The following ANXA4 variants were observed in gnomAD, a reference collection of about 807,000 sequenced individuals.
ANXA4 encodes the protein 35-beta calcimedin.
ANXA4 carries 39 observed loss-of-function variants against 49.8 expected under a neutral mutation model. The observed-to-expected ratio is 0.78, with a 90% confidence interval of 0.61 to 1.02. The LOEUF (loss-of-function observed/expected upper bound fraction) is 1.02. ANXA4 is among the 50% of genes least tolerant of loss of function. The pLI, the probability that ANXA4 is intolerant of heterozygous loss-of-function variation, is 0.00. For synonymous variants in ANXA4, 134 were observed against 152.5 expected (o/e 0.88, Z 0.89); for missense variants, 360 against 410.1 (o/e 0.88, Z 1.05).
chr2:69,810,393 A>T, intron 6 of ANXA4: 2 of 562,362 alleles, frequency 3.6e-6, no homozygotes, highest in East Asian at 6.0e-5. Flanking sequence ...CAAAAACAGG[A>T]ATATCGTGTG....
At chr2:69,784,628 C>T (rs537737209) in intron 2 of ANXA4, among the ~76,000 whole-genome samples, 3 of 152,322 alleles carry the variant, frequency 2.0e-5, no homozygotes, top group Non-Finnish European at 4.4e-5. Context: ...AGTAATTGCA[C>T]CAACCTAATA....
chr2:69,718,687 ACATG>A (rs570367197), intron 2 of ANXA4, among the ~76,000 whole-genome samples: 4 of 152,190 alleles, frequency 2.6e-5, no homozygotes, highest in Non-Finnish European at 5.9e-5. Flanking sequence ...ACACGTATAC[ACATG>A]CATGCATGCA....
intron 8 of ANXA4, among the ~76,000 whole-genome samples, chr2:69,814,597 C>T (rs4853029): frequency 0.14 from 20,865 of 151,932 alleles, 3,789 homozygotes; most frequent in African/African-American, 0.39. Flanking sequence ...AACCTATCTG[C>T]CTTGGCCTTC....
chr2:69,707,082 A>G (rs1161442037), intron 2 of ANXA4, among the ~76,000 whole-genome samples: 2 of 152,292 alleles, frequency 1.3e-5, no homozygotes, highest in East Asian at 3.9e-4. Context: ...GTATCTTTCT[A>G]TATGTGAGCT....
At chr2:69,784,290 TA>T (rs144161823) in intron 2 of ANXA4, among the ~76,000 whole-genome samples, 5,028 of 152,348 alleles carry the variant, frequency 0.033, 120 homozygotes, top group South Asian at 0.089. Context: ...TGCTAACTGA[TA>T]AACGGAACCA....
intron 1 of ANXA4, among the ~76,000 whole-genome samples, chr2:69,760,949 C>T (rs1349990616): frequency 2.6e-5 from 4 of 151,866 alleles, no homozygotes; most frequent in Non-Finnish European, 4.4e-5. Context: ...ATAGCTTGAG[C>T]TCAGGAGTTC....
intron 2 of ANXA4, among the ~76,000 whole-genome samples, chr2:69,673,829 A>G (rs1677292812): frequency 6.6e-6 from 1 of 152,044 alleles, no homozygotes; most frequent in Non-Finnish European, 1.5e-5. Context: ...AGTGCCAAAC[A>G]GGACTGTGGG....
intron 1 of ANXA4, among the ~76,000 whole-genome samples, chr2:69,649,830 G>A (rs940195837): frequency 3.4e-5 from 5 of 148,820 alleles, no homozygotes; most frequent in African/African-American, 9.9e-5. Flanking sequence ...CCATGTTGCC[G>A]AGGCTGGTCT....
rs80249266 is a variant in ANXA4 at position 69,717,886 on chromosome 2, C to T, written n.767-2888C>T. On this transcript the variant is annotated intron_variant and non_coding_transcript_variant, in intron 2 of 3. Transcript: ENST00000418066. Reference sequence around the variant, plus strand: ...AAGAGACGTACACAACCTATGCACTCCCTTCCCTCTAGAATGTTTCAGCAG... The same window carrying T: ...AAGAGACGTACACAACCTATGCACTTCCTTCCCTCTAGAATGTTTCAGCAG... 8.5e-3 allele frequency among the ~76,000 whole-genome samples: 1,297 copies of T among 152,288 alleles called. 16 individuals carry two copies. Among genetic ancestry groups the T allele is most frequent in the Middle Eastern group, 0.051 (15 of 294 alleles).
chr2:69,818,190 T>G (rs1323937401), intron 9 of ANXA4: 1 of 153,756 alleles, frequency 6.5e-6, no homozygotes, highest in African/African-American at 2.4e-5. Flanking sequence ...GTGACTCAGT[T>G]CTGAAGCAGT....
intron 2 of ANXA4, among the ~76,000 whole-genome samples, chr2:69,665,265 TA>T (rs1459482024): frequency 6.6e-6 from 1 of 152,102 alleles, no homozygotes; most frequent in Non-Finnish European, 1.5e-5. Context: ...CAGACCACGT[TA>T]AAATAGAGTC....
At chr2:69,669,763 T>A (rs1331605578) in intron 2 of ANXA4, among the ~76,000 whole-genome samples, 3 of 152,174 alleles carry the variant, frequency 2.0e-5, no homozygotes, top group African/African-American at 7.2e-5. Flanking sequence ...GAATTTCTCA[T>A]GTTTCCCACT....
At chr2:69,751,872 AT>A (rs1409759207) in intron 1 of ANXA4, among the ~76,000 whole-genome samples, 2 of 152,212 alleles carry the variant, frequency 1.3e-5, no homozygotes, top group Non-Finnish European at 2.9e-5. Flanking sequence ...GCAAAGGTGC[AT>A]TTATTTATTA....
intron 1 of ANXA4, among the ~76,000 whole-genome samples, chr2:69,750,013 A>G (rs1207932570): frequency 6.6e-6 from 1 of 152,120 alleles, no homozygotes; most frequent in Non-Finnish European, 1.5e-5. Context: ...CAGGAAAATT[A>G]TAAGAGTGGT....
chr2:69,669,683 C>T (rs1325655008), intron 2 of ANXA4, among the ~76,000 whole-genome samples: 1 of 151,924 alleles, frequency 6.6e-6, no homozygotes, highest in Admixed American at 6.6e-5. Flanking sequence ...TGTCCATGTA[C>T]CTTCTATATT....
At chr2:69,804,069 C>A (rs1033904587) in intron 3 of ANXA4, among the ~76,000 whole-genome samples, 1 of 140,772 alleles carries the variant, frequency 7.1e-6, no homozygotes, top group Non-Finnish European at 1.5e-5. Flanking sequence ...ACCCAGGAGG[C>A]GGAGGTTGCA....
At chr2:69,757,235 G>GTTTT (rs1293588999) in intron 1 of ANXA4, among the ~76,000 whole-genome samples, 4 of 60,234 alleles carry the variant, frequency 6.6e-5, no homozygotes, top group Non-Finnish European at 1.4e-4. Context: ...AGCCATTTTT[G>GTTTT]TTTTATATAT....
chr2:69,693,029 C>T (rs1678025639), intron 2 of ANXA4, among the ~76,000 whole-genome samples: 1 of 152,134 alleles, frequency 6.6e-6, no homozygotes, highest in African/African-American at 2.4e-5. Flanking sequence ...ATATAATGCC[C>T]AATTTAGGAA....
chr2:69,726,606 A>C (rs1669969158), intron 3 of ANXA4, among the ~76,000 whole-genome samples: 1 of 152,236 alleles, frequency 6.6e-6, no homozygotes. Context: ...CCATGTAATC[A>C]GTGCTTAGAT....
Sources: allele counts gnomAD v4.1 joint callset (sites outside exome capture counted in the v4.1 genomes callset), GRCh38; gene constraint gnomAD v4.1.1; transcripts MANE v1.5; gene names NCBI Gene and HGNC (gene_info 2026-07-23, HGNC 2026-07-21).